Variants in CFAP251 observed in about 807,000 individuals in gnomAD.
CFAP251 encodes cilia and flagella associated protein 251.
Under a neutral mutation model 126.7 loss-of-function variants are expected in CFAP251, and 93 were observed. The ratio of observed to expected loss-of-function variants is 0.73; its 90% CI spans 0.62 to 0.87. The LOEUF is 0.87. Ranked by LOEUF, CFAP251 falls within the 40% of genes least tolerant of loss-of-function variation. CFAP251 has a pLI of 0.00. For missense variants in CFAP251, 1,287 were observed against 1,389.2 expected, an observed-to-expected ratio of 0.93 and a Z score of 1.17; for synonymous variants, 503 against 506.9, an observed-to-expected ratio of 0.99 and a Z score of 0.10.
chr12:121,980,590 C>G (rs1327723420), intron 19 of CFAP251, among the ~76,000 whole-genome samples: 1 of 152,080 alleles, frequency 6.6e-6, no homozygotes, highest in African/African-American at 2.4e-5. Flanking sequence ...TCGAGCCATC[C>G]ACCCTCCTTA....
In CFAP251 at chr12:121,954,636, T is replaced by TAAAAAAAAAAAAA. The variant is rs1174239421; in HGVS notation, c.1535+322_1535+334dup. ...GTGTTAGAGTGAGACCCTCCTGTCT[T>TAAAAAAAAAAAAA]AAAAAAAAAAAAAAAAAAAAAAAAA... On this transcript the variant is annotated intron_variant, in intron 10 of 21. Transcript: ENST00000288912. Among the ~76,000 whole-genome samples, 4 of 41,980 alleles carry TAAAAAAAAAAAAA rather than the reference T, an allele frequency of 9.5e-5. 1 individual carries two copies. Among genetic ancestry groups the TAAAAAAAAAAAAA allele is most frequent in the Non-Finnish European group, 1.2e-4 (3 of 25,042 alleles). 27.5% of individuals were successfully genotyped at this position (41,980 alleles called of 152,430 possible).
chr12:121,930,936 A>G (rs1880660990), intron 3 of CFAP251, among the ~76,000 whole-genome samples: 1 of 151,940 alleles, frequency 6.6e-6, no homozygotes, highest in South Asian at 2.1e-4. Flanking sequence ...TTTAGTAGAG[A>G]TGAGGTTTCA....
intron 9 of CFAP251, chr12:121,952,982 A>C (rs1359383853): frequency 6.6e-6 from 1 of 152,158 alleles, no homozygotes; most frequent in Admixed American, 6.5e-5. Context: ...CTCTGGTCAC[A>C]TTTTCACCAA....
chr12:121,952,239 CTAAAAAAAAAAA>C (rs1296360370), intron 9 of CFAP251, among the ~76,000 whole-genome samples: 1 of 33,886 alleles, frequency 3.0e-5, no homozygotes. Flanking sequence ...TTCGTTTCTA[CTAAAAAAAAAAA>C]AAAAAAAAAA....
intron 9 of CFAP251, among the ~76,000 whole-genome samples, chr12:121,951,909 A>G (rs1881542717): frequency 6.6e-6 from 1 of 151,534 alleles, no homozygotes; most frequent in Non-Finnish European, 1.5e-5. Flanking sequence ...TTTTTAGTAG[A>G]GACGGGGTTT....
chr12:121,938,608 G>A (rs889665692), intron 5 of CFAP251, among the ~76,000 whole-genome samples: 1 of 150,340 alleles, frequency 6.7e-6, no homozygotes, highest in African/African-American at 2.4e-5. Context: ...GGGATTACAG[G>A]CGTGAGCCAC....
At chr12:121,951,692 C>T (rs934328977) in intron 9 of CFAP251, among the ~76,000 whole-genome samples, 162 bp downstream of exon 9, 5 of 152,052 alleles carry the variant, frequency 3.3e-5, no homozygotes, top group Admixed American at 2.0e-4. Flanking sequence ...ATTGAATTGT[C>T]AGTTGAAAAT....
rs1378166247 is a variant in CFAP251 at position 122,001,610 on chromosome 12, G to A, written c.3337+12G>A. On this transcript the variant is annotated intron_variant, in intron 21 of 21. Transcript: ENST00000288912. ...CTGCTCCGTCAAAGGTACCCCAGCT[G>A]GCTTTGTCTGGGCATGTAGCTGTGG... 1 of 1,608,348 alleles carries A rather than the reference G, an allele frequency of 6.2e-7. No individual in the cohort carries two copies. Among genetic ancestry groups the A allele is most frequent in the African/African-American group, 1.3e-5 (1 of 74,788 alleles).
chr12:121,984,388 C>A (rs1483184161), intron 19 of CFAP251, among the ~76,000 whole-genome samples: 1 of 152,090 alleles, frequency 6.6e-6, no homozygotes, highest in African/African-American at 2.4e-5. Context: ...CTCACTGCAA[C>A]CTCTGCCTCC....
chr12:121,981,458 A>G (rs1046810373), intron 19 of CFAP251, among the ~76,000 whole-genome samples: 1 of 152,186 alleles, frequency 6.6e-6, no homozygotes. Context: ...ACACTCCTGC[A>G]TATCCATCAG....
chr12:121,972,415 G>A lies in CFAP251; in HGVS notation c.2772-2829G>A, dbSNP rs151292316. Among the ~76,000 whole-genome samples, 196 of 152,308 alleles carry A rather than the reference G, an allele frequency of 1.3e-3. 5 individuals carry two copies. In the East Asian group the frequency reaches 0.036, roughly 28 times the overall value. On this transcript the variant is annotated intron_variant, in intron 17 of 21. Coordinates refer to ENST00000288912, the MANE Select transcript of CFAP251 (RefSeq NM_144668.6). ...TTATGTTTTAGCAAAGAGACTGGTGGCATTTTGCCCCTGCCCTAGAGATTT... is the reference window on the plus strand; with the variant it reads ...TTATGTTTTAGCAAAGAGACTGGTGACATTTTGCCCCTGCCCTAGAGATTT...
chr12:121,959,833 A>G (rs910947642), intron 13 of CFAP251: 1 of 152,174 alleles, frequency 6.6e-6, no homozygotes, highest in Non-Finnish European at 1.5e-5. Context: ...TCTTATCTGT[A>G]AAATGGGCAT....
At chr12:121,956,976 A>G (rs1565912324) in intron 10 of CFAP251, 98 bp from the exon 11 acceptor site, 1 of 942,074 alleles carries the variant, frequency 1.1e-6, no homozygotes, top group East Asian at 3.0e-5. Flanking sequence ...AGTTTTTGCA[A>G]TGCCCCAGAA....
intron 5 of CFAP251, among the ~76,000 whole-genome samples, chr12:121,936,101 G>A (rs1333930418): frequency 6.6e-6 from 1 of 152,172 alleles, no homozygotes; most frequent in Non-Finnish European, 1.5e-5. Context: ...AAAATGAGAG[G>A]GGGCCTTTGG....
At chr12:121,994,183 C>G (rs1882968154) in intron 19 of CFAP251, among the ~76,000 whole-genome samples, 5 of 84,090 alleles carry the variant, frequency 5.9e-5, no homozygotes, top group Non-Finnish European at 1.0e-4. Flanking sequence ...CCCGGCCAGC[C>G]GCCCCGTCCG....
chr12:121,943,551 T>C (rs1196750341), intron 7 of CFAP251, among the ~76,000 whole-genome samples: 1 of 151,892 alleles, frequency 6.6e-6, no homozygotes, highest in Non-Finnish European at 1.5e-5. Context: ...GCCTCCCGAG[T>C]AGCTGGGATT....
At chr12:121,981,528 C>CG (rs1251509755) in intron 19 of CFAP251, among the ~76,000 whole-genome samples, 1 of 152,176 alleles carries the variant, frequency 6.6e-6, no homozygotes, top group Non-Finnish European at 1.5e-5. Flanking sequence ...GACCTGCTCC[C>CG]GCCCCATGGG....
In CFAP251 at chr12:121,967,069, G is replaced by A. The variant is rs1218190148; in HGVS notation, c.2607G>A (p.Lys869=). The change falls in exon 16 of 22, where the codon AAG becomes AAA. Residue 869 remains lysine (K), a splice_region_variant and synonymous_variant. Coordinates refer to ENST00000288912, the MANE Select transcript of CFAP251 (RefSeq NM_144668.6). ...KRYLVFINRD[K]VGLQILPVDG... ...ACTTGGTGTTTATTAACAGAGACAA[G>A]GTAACAGCGCTCTCTTCTCCAGTTC... The A allele has an allele frequency of 6.2e-7, 1 of 1,613,196 alleles. No individual in the cohort carries two copies. Among genetic ancestry groups the A allele is most frequent in the Admixed American group, 1.7e-5 (1 of 60,028 alleles).
At chr12:121,929,422 TC>T (rs1168667780) in intron 3 of CFAP251, among the ~76,000 whole-genome samples, 1 of 152,050 alleles carries the variant, frequency 6.6e-6, no homozygotes, top group African/African-American at 2.4e-5. Flanking sequence ...TTCACAGTTT[TC>T]CCTTTTATTC....
Sources: gnomAD v4.1 joint callset for allele counts (sites outside exome capture counted in the v4.1 genomes callset) on GRCh38, gnomAD v4.1.1 for gene constraint, MANE v1.5 for transcripts, NCBI Gene and HGNC (gene_info 2026-07-23, HGNC 2026-07-21) for gene names.